The following CTNNA3 variants were observed in gnomAD, a reference collection of about 807,000 sequenced individuals.
CTNNA3 encodes catenin alpha 3, also known as catenin alpha-3.
Under a neutral mutation model 95.7 loss-of-function variants are expected in CTNNA3, and 76 were observed. The observed-to-expected ratio is 0.79, with a 90% CI of 0.66 to 0.96. CTNNA3 has a LOEUF of 0.96. Among genes scored for constraint, CTNNA3 ranks in the 40% least tolerant of loss-of-function variants. The pLI is 0.00. For synonymous variants in CTNNA3, 431 were observed against 374.4 expected, an observed-to-expected ratio of 1.15 and a Z score of -1.74; for missense variants, 1,191 against 1,089.8, an observed-to-expected ratio of 1.09 and a Z score of -1.31.
chr10:65,919,558 T>A lies in CTNNA3; in HGVS notation c.*772A>T, dbSNP rs1246502673. ...TTTCCCAATGGGTGATAACTCTTCT[T>A]TCACATATGTATTCGGATAGGCCTA... On this transcript the variant is annotated 3_prime_UTR_variant, in exon 18 of 18. Coordinates refer to ENST00000433211, the MANE Select transcript of CTNNA3 (RefSeq NM_013266.4). The A allele has an allele frequency of 6.6e-6, 1 of 152,184 alleles. No individual in the cohort carries two copies. The highest frequency in any genetic ancestry group is 1.5e-5 in the Non-Finnish European group (1 of 68,026). The allele number at this position is 152,184 out of a possible 1,614,324, so 9.4% of individuals were successfully genotyped here. A position where few individuals can be genotyped will look rare whatever the true frequency, so the allele number is the denominator to read the frequency against.
At chr10:66,399,742 C>A (rs1391965650) in intron 11 of CTNNA3, among the ~76,000 whole-genome samples, 1 of 151,960 alleles carries the variant, frequency 6.6e-6, no homozygotes, top group African/African-American at 2.4e-5. Flanking sequence ...TGAATTTAAT[C>A]ATGTTCCAGT....
chr10:67,524,128 G>A (rs1840065147), intron 4 of CTNNA3, among the ~76,000 whole-genome samples: 1 of 152,130 alleles, frequency 6.6e-6, no homozygotes. Flanking sequence ...AAATAGCCGG[G>A]CGCGGTGGCT....
In CTNNA3 at chr10:67,013,398, T is replaced by C. The variant is rs545608442; in HGVS notation, c.1047+166919A>G. Among the ~76,000 whole-genome samples, 11 of 151,834 alleles carry C rather than the reference T, an allele frequency of 7.2e-5. No homozygotes were observed. In the South Asian group the frequency reaches 2.1e-3, roughly 29 times the overall value. ...TTGTTAAAACTAAAAAAATTAATAATAACTTCAAACAATCATTGTTATCAT... is the reference window on the plus strand; with the variant it reads ...TTGTTAAAACTAAAAAAATTAATAACAACTTCAAACAATCATTGTTATCAT... On this transcript the variant is annotated intron_variant, in intron 7 of 17. Coordinates refer to ENST00000433211, the MANE Select transcript of CTNNA3 (RefSeq NM_013266.4).
At chr10:66,500,822 A>C (rs1429319489) in intron 11 of CTNNA3, among the ~76,000 whole-genome samples, 1 of 152,190 alleles carries the variant, frequency 6.6e-6, no homozygotes, top group Non-Finnish European at 1.5e-5. Context: ...AGTTGATTAA[A>C]TTATAAGGTT....
At chr10:67,656,115 C>T (rs1382666368) in intron 1 of CTNNA3, among the ~76,000 whole-genome samples, 4 of 152,304 alleles carry the variant, frequency 2.6e-5, no homozygotes, top group Non-Finnish European at 4.4e-5. Context: ...CCAAGCCCCA[C>T]CTCCATGTTT....
intron 9 of CTNNA3, among the ~76,000 whole-genome samples, chr10:66,695,014 C>T (rs1028697721): frequency 6.6e-5 from 10 of 152,230 alleles, no homozygotes; most frequent in Non-Finnish European, 7.4e-5. Context: ...ATACATTTGG[C>T]TATTTACTAA....
chr10:66,003,868 ACCTTTTGCACTACACACAT>A (rs1193750799), intron 15 of CTNNA3, among the ~76,000 whole-genome samples: 1 of 152,190 alleles, frequency 6.6e-6, no homozygotes, highest in Non-Finnish European at 1.5e-5. Context: ...AGAACTGCAC[ACCTTTTGCACTACACACAT>A]TTAAGGGCAG....
intron 12 of CTNNA3, among the ~76,000 whole-genome samples, chr10:66,356,290 T>A (rs2092609949): frequency 6.6e-6 from 1 of 152,014 alleles, no homozygotes; most frequent in African/African-American, 2.4e-5. Context: ...AGAATTGATA[T>A]CATCATCATA....
intron 7 of CTNNA3, among the ~76,000 whole-genome samples, chr10:66,816,301 A>G (rs1842081606): frequency 1.3e-5 from 2 of 152,124 alleles, no homozygotes; most frequent in Non-Finnish European, 2.9e-5. Flanking sequence ...AAGACATAGA[A>G]AACAAATATC....
intron 9 of CTNNA3, among the ~76,000 whole-genome samples, chr10:66,736,565 T>C (rs1421921563): frequency 1.3e-5 from 2 of 152,050 alleles, no homozygotes; most frequent in Non-Finnish European, 2.9e-5. Context: ...ATCTTACCTG[T>C]TTATTAATAA....
At chr10:65,992,489 A>T (rs187937085) in intron 15 of CTNNA3, among the ~76,000 whole-genome samples, 16 of 107,690 alleles carry the variant, frequency 1.5e-4, no homozygotes, top group African/African-American at 5.7e-4. Context: ...TTGTGATTCC[A>T]GGAATTTATT....
chr10:67,186,241 G>A (rs1239572423), intron 6 of CTNNA3, among the ~76,000 whole-genome samples: 2 of 152,120 alleles, frequency 1.3e-5, no homozygotes, highest in Admixed American at 6.6e-5. Flanking sequence ...TGTAAGTACT[G>A]CAAGAAAAAA....
At chr10:66,635,349 G>T (rs1045219833) in intron 9 of CTNNA3, among the ~76,000 whole-genome samples, 1 of 152,066 alleles carries the variant, frequency 6.6e-6, no homozygotes, top group South Asian at 2.1e-4. Context: ...AAGCATGCAG[G>T]TCTAATAAGT....
intron 9 of CTNNA3, among the ~76,000 whole-genome samples, chr10:66,636,695 T>A (rs1376337492): frequency 6.6e-6 from 1 of 152,176 alleles, no homozygotes; most frequent in Admixed American, 6.5e-5. Flanking sequence ...TCTATACTTA[T>A]TTATGATTGA....
At chr10:67,325,603 T>C (rs956776486) in intron 5 of CTNNA3, among the ~76,000 whole-genome samples, 2 of 152,220 alleles carry the variant, frequency 1.3e-5, no homozygotes, top group African/African-American at 4.8e-5. Context: ...CATGGTATGT[T>C]ATGATTTCAG....
intron 5 of CTNNA3, among the ~76,000 whole-genome samples, chr10:67,487,899 C>T (rs1848504609): frequency 6.6e-6 from 1 of 152,168 alleles, no homozygotes; most frequent in African/African-American, 2.4e-5. Flanking sequence ...ACTTGTTGCT[C>T]TCAGAGTTCT....
intron 15 of CTNNA3, among the ~76,000 whole-genome samples, chr10:66,067,216 T>C (rs762380831): frequency 5.9e-5 from 9 of 152,188 alleles, no homozygotes; most frequent in Non-Finnish European, 1.0e-4. Context: ...ACGATCTCCA[T>C]CTCTCTGTGT....
chr10:66,473,235 G>A (rs1839198144), intron 11 of CTNNA3, among the ~76,000 whole-genome samples: 1 of 151,936 alleles, frequency 6.6e-6, no homozygotes, highest in Non-Finnish European at 1.5e-5. Flanking sequence ...ATCCCCACAT[G>A]TCTAGGGAGA....
chr10:66,542,484 C>T (rs1199903002), intron 10 of CTNNA3, among the ~76,000 whole-genome samples: 1 of 152,034 alleles, frequency 6.6e-6, no homozygotes, highest in Non-Finnish European at 1.5e-5. Context: ...GACTTGGAAC[C>T]AACCCAAATG....
Sources: gnomAD v4.1 joint callset for allele counts (sites outside exome capture counted in the v4.1 genomes callset) on GRCh38, gnomAD v4.1.1 for gene constraint, MANE v1.5 for transcripts, NCBI Gene and HGNC (gene_info 2026-07-23, HGNC 2026-07-21) for gene names.